The following BCL9L variants were observed in gnomAD, a reference collection of about 807,000 sequenced individuals.
BCL9L encodes B-cell CLL/lymphoma 9-like protein.
BCL9L carries 19 observed loss-of-function variants against 99.4 expected under a neutral mutation model. The ratio of observed to expected loss-of-function variants is 0.19; its 90% CI spans 0.13 to 0.28. The LOEUF is 0.28. BCL9L is among the 10% of genes least tolerant of loss of function. BCL9L has a pLI of 1.00. For synonymous variants in BCL9L, 900 were observed against 854.8 expected (o/e 1.05, Z -0.92); for missense variants, 2,023 against 2,101.6 (o/e 0.96, Z 0.73).
Position 118,898,569 on chromosome 11 carries a change from G to A in BCL9L, c.4346C>T (p.Pro1449Leu), listed in dbSNP as rs376830821. ...RGVGGEVYSQ[P>L]PHMLSPQGSL... ...GCCCTGCGGGGAGAGCATGTGGGGC[G>A]GCTGGCTGTAGACCTCGCCCCCCAC... Residue 1449 changes from proline (P) to leucine (L), a missense_variant, in exon 10 of 10, where the codon CCG becomes CTG. Around this residue, in one of 3 missense-constraint regions of BCL9L, gnomAD observed 902 missense variants for 888.2 expected, o/e 1.02. Transcript: ENST00000683865. 2.4e-5 allele frequency: 38 copies of A among 1,609,210 alleles called. No individual in the cohort carries two copies. The highest frequency in any genetic ancestry group is 4.5e-5 in the East Asian group (2 of 44,832).
chr11:118,920,776 T>C lies in BCL9L; in HGVS notation c.-130-1897A>G, dbSNP rs562365527. ...GACCCCAGTCCCCAGGGAGAGTTTA[T>C]CACAAAGTCTCCACTGCACCACTCT... On this transcript the variant is annotated intron_variant, in intron 1 of 9. Coordinates refer to ENST00000683865, the MANE Select transcript of BCL9L (RefSeq NM_001378213.1). Among the ~76,000 whole-genome samples, 14 of 152,204 alleles carry C rather than the reference T, an allele frequency of 9.2e-5. No homozygotes were observed. The East Asian group carries it at 2.1e-3, about 23-fold the overall frequency.
chr11:118,899,375 A>C lies in BCL9L; in HGVS notation c.3540T>G (p.Pro1180=), dbSNP rs1329863897. ...GATGCAGTGGAATGTTGGAGCCCAG[A>C]GGGGTGGGGGAGGGCAGCATGGCGG... ...PPPAMLPSPT[P]LGSNIPLHPN... The change falls in exon 10 of 10, where the codon CCT becomes CCG. Residue 1180 remains proline, a synonymous_variant. Coordinates refer to ENST00000683865, the MANE Select transcript of BCL9L (RefSeq NM_001378213.1). The C allele has an allele frequency of 1.7e-6, 2 of 1,148,408 alleles. No individual in the cohort carries two copies. Among genetic ancestry groups the C allele is most frequent in the African/African-American group, 3.7e-5 (2 of 54,528 alleles). The allele number at this position is 1,148,408 out of a possible 1,614,324, so 71.1% of individuals were successfully genotyped here.
chr11:118,902,568 C>T lies in BCL9L; in HGVS notation c.1175G>A (p.Ser392Asn), dbSNP rs776011122. ...EAAAPGNGQR[S>N]LVGSEGLSKE... is the part of the protein sequence containing the mutation. Reference sequence around the variant, plus strand: ...GGACAAGCCCTCTGAGCCCACCAGGCTGCGCTGCCCATTTCCAGGGGCGGC... The same window carrying T: ...GGACAAGCCCTCTGAGCCCACCAGGTTGCGCTGCCCATTTCCAGGGGCGGC... Residue 392 changes from serine (S) to asparagine (N), a missense_variant, in exon 8 of 10, where the codon AGC becomes AAC. Transcript: ENST00000683865. This position sits in a 1 kb window ranked among gnomAD's most constrained non-coding sequence, Gnocchi z 7.8. The T allele has an allele frequency of 8.1e-6, 13 of 1,601,184 alleles. No homozygotes were observed. Among genetic ancestry groups the T allele is most frequent in the Admixed American group, 1.7e-5 (1 of 59,994 alleles).
intron 9 of BCL9L, 63 bp from the exon 10 acceptor site, chr11:118,899,571 TCAG>T: frequency 6.4e-7 from 1 of 1,573,468 alleles, no homozygotes; most frequent in Non-Finnish European, 8.6e-7. Context: ...GGTGCAGGGC[TCAG>T]GCCTTCCCCA....
Position 118,922,577 on chromosome 11 carries a change from G to A in BCL9L, c.-131+2661C>T, listed in dbSNP as rs545780052. 4.6e-5 allele frequency among the ~76,000 whole-genome samples: 7 copies of A among 152,222 alleles called. No individual in the cohort carries two copies. The East Asian group carries it at 1.4e-3, about 29-fold the overall frequency. ...GTTGAGCCAGTCCATGGAACAGCCG[G>A]CCCCACCCCAGGGAGAGCGGGCCTG... On this transcript the variant is annotated intron_variant, in intron 1 of 9. Transcript: ENST00000683865. The surrounding 1 kb of genome is among the most constrained non-coding windows in gnomAD (Gnocchi z 6.2).
intron 3 of BCL9L, 122 bp downstream of exon 3, chr11:118,909,792 G>T (rs1288943298): frequency 6.6e-7 from 1 of 1,511,496 alleles, no homozygotes; most frequent in East Asian, 2.4e-5. Context: ...CTGGTGGCCT[G>T]GGAGCCAGGT....
chr11:118,913,652 A>T (rs768797795), intron 2 of BCL9L, among the ~76,000 whole-genome samples: 2 of 151,906 alleles, frequency 1.3e-5, no homozygotes, highest in Non-Finnish European at 1.5e-5. Context: ...AGGCACAAAC[A>T]ACCAACACAG....
Position 118,903,086 on chromosome 11 carries a change from G to A in BCL9L, c.750-12C>T, listed in dbSNP as rs377448514. The A allele has an allele frequency of 6.4e-7, 1 of 1,567,624 alleles. No homozygotes were observed. Among genetic ancestry groups the A allele is most frequent in the Non-Finnish European group, 8.6e-7 (1 of 1,161,160 alleles). On this transcript the variant is annotated splice_polypyrimidine_tract_variant and intron_variant, in intron 6 of 9. Transcript: ENST00000683865. The surrounding 1 kb of genome is among the most constrained non-coding windows in gnomAD (Gnocchi z 5.6). Reference sequence around the variant, plus strand: ...CTGCCTCTGCAGCCCTGCACAGAGTGGGGGCACCGACAGCTCAGAGAGGTG... The same window carrying A: ...CTGCCTCTGCAGCCCTGCACAGAGTAGGGGCACCGACAGCTCAGAGAGGTG...
At position 118,902,298 on chromosome 11, in the gene BCL9L, G is replaced by C. The variant is rs775433205; in HGVS notation, c.1445C>G (p.Pro482Arg). Residue 482 changes from proline (P) to arginine (R), a missense_variant, in exon 8 of 10, where the codon CCC (proline) becomes CGC (arginine). Coordinates refer to ENST00000683865, the MANE Select transcript of BCL9L (RefSeq NM_001378213.1). This position sits in a 1 kb window ranked among gnomAD's most constrained non-coding sequence, Gnocchi z 7.8. The part of the protein sequence containing the change: ...MISQTQSLGG[P>R]PLEHEVPGHP... ...CCCAGGCACTTCATGCTCCAGCGGG[G>C]GGCCCCCTAGGCTCTGTGTCTGTGA... 1.3e-6 allele frequency: 2 copies of C among 1,576,268 alleles called. No individual in the cohort carries two copies.
intron 2 of BCL9L, among the ~76,000 whole-genome samples, chr11:118,916,133 G>A (rs1940955515): frequency 6.6e-6 from 1 of 152,190 alleles, no homozygotes; most frequent in South Asian, 2.1e-4. Flanking sequence ...GCATGGCCCA[G>A]GCAGACCCTG....
rs779962813 is a variant in BCL9L at position 118,902,173 on chromosome 11, G to C, written c.1570C>G (p.Gln524Glu). ...CGTTTCTCTTCGTAGTACTCCTCCT[G>C]CAGCTTGCGCCAGGCCACCTGCTCA... ...TPEQVAWRKL[Q>E]EEYYEEKRRK... The change falls in exon 8 of 10, where the codon CAG becomes GAG. Residue 524 changes from glutamine (Q) to glutamate (E), a missense_variant. By Grantham distance (29) the Gln-to-Glu change is conservative. This residue lies in a region of BCL9L where 1,116 missense variants were observed against 1,194.6 expected (regional missense o/e 0.93). Transcript: ENST00000683865. The surrounding 1 kb of genome is among the most constrained non-coding windows in gnomAD (Gnocchi z 7.8). 13 of 1,614,110 alleles carry C rather than the reference G, an allele frequency of 8.1e-6. No homozygotes were observed. In the South Asian group the frequency reaches 1.4e-4, roughly 18 times the overall value.
At position 118,915,774 on chromosome 11, in the gene BCL9L, C is replaced by G. The variant is rs182551791; in HGVS notation, c.-77+3052G>C. ...AGAAAGCTTAAGCCTACTCTCTTGCCATGGATCTCAAAGGAAGGGTCTGGG... is the reference window on the plus strand; with the variant it reads ...AGAAAGCTTAAGCCTACTCTCTTGCGATGGATCTCAAAGGAAGGGTCTGGG... On this transcript the variant is annotated intron_variant, in intron 2 of 9. Transcript: ENST00000683865. Among the ~76,000 whole-genome samples the G allele has an allele frequency of 9.1e-4, 138 of 152,300 alleles. 1 individual carries two copies. The highest frequency in any genetic ancestry group is 3.0e-3 in the African/African-American group (126 of 41,556).
chr11:118,919,649 GGGTGT>G lies in BCL9L; in HGVS notation c.-130-775_-130-771del, dbSNP rs149211119. 2.1e-3 allele frequency among the ~76,000 whole-genome samples: 322 copies of G among 152,196 alleles called. 1 individual carries two copies. Among genetic ancestry groups the G allele is most frequent in the African/African-American group, 7.1e-3 (295 of 41,510 alleles). On this transcript the variant is annotated intron_variant, in intron 1 of 9. Transcript: ENST00000683865. ...CCTCTCTCTCACTGCACTGGGCGGG[GGGTGT>G]CCCTGCCAACCAGACTTAACCCTCT...
At chr11:118,909,811 C>T (rs1940703566) in intron 3 of BCL9L, 103 bp downstream of exon 3, 9 of 1,566,826 alleles carry the variant, frequency 5.7e-6, no homozygotes, top group South Asian at 5.6e-5. Flanking sequence ...GTGCCCAGGG[C>T]GGCTCCTCTC....
In BCL9L at chr11:118,907,291, A is replaced by AG. The variant is rs375696918; in HGVS notation, c.532+191dup. 6.6e-5 allele frequency among the ~76,000 whole-genome samples: 10 copies of AG among 152,140 alleles called. No homozygotes were observed. In the East Asian group the frequency reaches 1.2e-3, roughly 18 times the overall value. ...TGCCCCACCTAGGGTCCCTAGGGAG[A>AG]GGGGGTCACTGAGCACCTGGAAGGC... On this transcript the variant is annotated intron_variant, in intron 5 of 9. Coordinates refer to ENST00000683865, the MANE Select transcript of BCL9L (RefSeq NM_001378213.1).
intron 1 of BCL9L, among the ~76,000 whole-genome samples, chr11:118,920,114 C>T (rs900835532): frequency 3.9e-5 from 6 of 152,276 alleles, no homozygotes; most frequent in Non-Finnish European, 7.4e-5. Context: ...CAATCAGCCC[C>T]GGCCCCAGCA....
rs747824751 is a variant in BCL9L, at chr11:118,899,944, G to A, written c.3379C>T (p.Pro1127Ser). The A allele has an allele frequency of 6.2e-6, 10 of 1,613,088 alleles. No homozygotes were observed. The highest frequency in any genetic ancestry group is 8.5e-6 in the Non-Finnish European group (10 of 1,179,718). Residue 1127 changes from proline (P) to serine (S), a missense_variant, in exon 9 of 10, where the codon CCA (proline) becomes TCA (serine). Physicochemically the swap from Pro to Ser is moderately conservative, Grantham distance 74 (BLOSUM62 -1). Coordinates refer to ENST00000683865, the MANE Select transcript of BCL9L (RefSeq NM_001378213.1). Reference protein sequence around the residue: ...LLPDRPLLPPPPPPQGSGPGI... With the variant: ...LLPDRPLLPPSPPPQGSGPGI... ...GGCCCGGAGCCCTGCGGTGGTGGTG[G>A]GGGGGGCAGCAGGGGCCGGTCGGGC...
chr11:118,908,211 A>T, intron 4 of BCL9L, 59 bp downstream of exon 4: 6 of 1,506,376 alleles, frequency 4.0e-6, no homozygotes, highest in Non-Finnish European at 4.4e-6. Flanking sequence ...ATCTCCCAGA[A>T]CATCTGAGCC....
At chr11:118,905,487 C>A (rs1229836985) in intron 5 of BCL9L, among the ~76,000 whole-genome samples, 11 of 129,396 alleles carry the variant, frequency 8.5e-5, no homozygotes, top group Non-Finnish European at 1.2e-4. Context: ...CCAGCCTGGG[C>A]AACAGAGTGA....
Sources: gnomAD v4.1 joint callset for allele counts (sites outside exome capture counted in the v4.1 genomes callset) on GRCh38, gnomAD v4.1.1 for gene constraint, gnomAD v4.1.1 regional missense constraint, Gnocchi (gnomAD v3.1) non-coding constraint, MANE v1.5 for transcripts, NCBI Gene and HGNC (gene_info 2026-07-23, HGNC 2026-07-21) for gene names.